Variants in SEMA3A observed in about 807,000 individuals in gnomAD.
SEMA3A encodes the protein semaphorin 3A.
Under a neutral mutation model 97.9 loss-of-function variants are expected in SEMA3A, and 29 were observed. That is an observed-to-expected ratio of 0.30 (90% CI 0.22 to 0.40). The LOEUF is 0.40. Ranked by LOEUF, SEMA3A falls within the 10% of genes least tolerant of loss-of-function variation. SEMA3A has a pLI of 1.00. For missense variants in SEMA3A, 763 were observed against 951.3 expected, an observed-to-expected ratio of 0.80 and a Z score of 2.60; for synonymous variants, 321 against 323.7, an observed-to-expected ratio of 0.99 and a Z score of 0.09.
chr7:84,446,414 A>C (rs1036108936), intron 1 of SEMA3A, among the ~76,000 whole-genome samples: 1 of 152,202 alleles, frequency 6.6e-6, no homozygotes, highest in African/African-American at 2.4e-5. Context: ...TGATGCAAAC[A>C]TTCTCAACAA....
intron 3 of SEMA3A, among the ~76,000 whole-genome samples, chr7:84,208,075 C>A (rs987629045): frequency 6.6e-6 from 1 of 152,046 alleles, no homozygotes; most frequent in African/African-American, 2.4e-5. Flanking sequence ...TGCATGCCTA[C>A]ATTATATACA....
At chr7:84,400,408 C>T (rs1803870285) in intron 1 of SEMA3A, among the ~76,000 whole-genome samples, 1 of 151,992 alleles carries the variant, frequency 6.6e-6, no homozygotes, top group Admixed American at 6.6e-5. Flanking sequence ...GGAAGGAATC[C>T]ATAAATTTAT....
At chr7:84,113,223 C>A (rs972695930) in intron 3 of SEMA3A, among the ~76,000 whole-genome samples, 11 of 152,144 alleles carry the variant, frequency 7.2e-5, no homozygotes, top group Admixed American at 2.6e-4. Context: ...GAGGAAAGTG[C>A]ATTAAAAGAA....
intron 6 of SEMA3A, among the ~76,000 whole-genome samples, chr7:84,021,867 C>T (rs1791341471): frequency 6.6e-6 from 1 of 152,126 alleles, no homozygotes; most frequent in Non-Finnish European, 1.5e-5. Context: ...TTATCATAGA[C>T]TTGAAAATGT....
At chr7:84,452,171 T>C (rs1375533651) in intron 1 of SEMA3A, among the ~76,000 whole-genome samples, 1 of 152,144 alleles carries the variant, frequency 6.6e-6, no homozygotes, top group Non-Finnish European at 1.5e-5. Context: ...CTATTACTTT[T>C]TAAGGCTTCA....
intron 1 of SEMA3A, among the ~76,000 whole-genome samples, chr7:84,141,913 C>A (rs910349451): frequency 6.6e-6 from 1 of 152,056 alleles, no homozygotes; most frequent in Non-Finnish European, 1.5e-5. Flanking sequence ...TGTACCGAAT[C>A]AAAGAACAAG....
chr7:84,409,086 T>TA (rs201522434), intron 1 of SEMA3A, among the ~76,000 whole-genome samples: 55 of 147,678 alleles, frequency 3.7e-4, no homozygotes, highest in Middle Eastern at 3.6e-3. Flanking sequence ...TATTCAAATG[T>TA]AAAAAAAAAT....
At position 84,409,492 on chromosome 7, in the gene SEMA3A, C is replaced by T. The variant is rs551546414; in HGVS notation, c.-245-37592G>A. Among the ~76,000 whole-genome samples, 107 of 152,034 alleles carry T rather than the reference C, an allele frequency of 7.0e-4. 1 individual carries two copies. The highest frequency in any genetic ancestry group is 2.4e-3 in the African/African-American group (99 of 41,506). ...TTACTTCCTTGGCATTTTACAACTGCCCTAATGTTTTTAGATCAAGACATG... is the reference window on the plus strand; with the variant it reads ...TTACTTCCTTGGCATTTTACAACTGTCCTAATGTTTTTAGATCAAGACATG... On this transcript the variant is annotated intron_variant, in intron 1 of 3. Coordinates refer to the SEMA3A transcript ENST00000424555.
intron 1 of SEMA3A, among the ~76,000 whole-genome samples, chr7:84,485,020 A>G (rs2116441893): frequency 1.3e-5 from 2 of 152,340 alleles, no homozygotes; most frequent in East Asian, 3.9e-4. Flanking sequence ...TTAGAAAGTC[A>G]AGAAAATAGA....
intron 2 of SEMA3A, among the ~76,000 whole-genome samples, chr7:84,340,349 T>C (rs1802133550): frequency 2.0e-5 from 3 of 152,258 alleles, no homozygotes; most frequent in Admixed American, 6.5e-5. Context: ...ATTTTGAACT[T>C]AGTTTAGCCA....
At chr7:84,117,441 A>G (rs942296076) in intron 3 of SEMA3A, among the ~76,000 whole-genome samples, 2 of 152,144 alleles carry the variant, frequency 1.3e-5, no homozygotes, top group African/African-American at 4.8e-5. Context: ...GGGGTCCCCA[A>G]CCTCCAGGCA....
chr7:84,198,796 A>T (rs1798294034), upstream of SEMA3A, among the ~76,000 whole-genome samples: 1 of 152,084 alleles, frequency 6.6e-6, no homozygotes, highest in Non-Finnish European at 1.5e-5. Flanking sequence ...CTCCCTCTGT[A>T]CTGGGAAAGA....
intron 1 of SEMA3A, among the ~76,000 whole-genome samples, chr7:84,412,420 G>T (rs527846307): frequency 1.2e-4 from 19 of 152,266 alleles, no homozygotes; most frequent in African/African-American, 4.6e-4. Flanking sequence ...GTCACAGTTT[G>T]CAAACAATGT....
intron 4 of SEMA3A, among the ~76,000 whole-genome samples, chr7:84,061,308 T>A (rs1793206923): frequency 6.6e-6 from 1 of 152,150 alleles, no homozygotes; most frequent in East Asian, 1.9e-4. Context: ...AATATACACA[T>A]GTCTCAAGGT....
intron 1 of SEMA3A, among the ~76,000 whole-genome samples, chr7:84,407,137 T>C (rs1377581517): frequency 1.3e-5 from 2 of 152,186 alleles, no homozygotes; most frequent in African/African-American, 4.8e-5. Context: ...GACATGATTG[T>C]ATATCTGGAA....
chr7:84,297,306 A>G (rs1800897485), intron 3 of SEMA3A, among the ~76,000 whole-genome samples: 1 of 152,084 alleles, frequency 6.6e-6, no homozygotes, highest in Non-Finnish European at 1.5e-5. Flanking sequence ...GTAAAGCAGT[A>G]CTTAAAATAC....
chr7:84,067,865 C>T (rs1793583882), intron 4 of SEMA3A, among the ~76,000 whole-genome samples: 2 of 149,868 alleles, frequency 1.3e-5, no homozygotes, highest in Non-Finnish European at 3.0e-5. Context: ...GTCAGTGTGG[C>T]TATTCCTCAG....
rs140963269 is a variant in SEMA3A at position 84,214,863 on chromosome 7, T to C, written c.-82-20195A>G. 0.013 allele frequency among the ~76,000 whole-genome samples: 1,942 copies of C among 151,384 alleles called. 57 individuals are homozygous for C. The East Asian group carries it at 0.14, about 11-fold the overall frequency. ...ATAGGCACCTGCTACCACACCCAGC[T>C]AATTTTTTTGTATTTTTCATAGAGA... On this transcript the variant is annotated intron_variant, in intron 3 of 3. Transcript: ENST00000424555.
intron 15 of SEMA3A, among the ~76,000 whole-genome samples, chr7:83,974,975 A>C (rs972810673): frequency 6.6e-6 from 1 of 152,174 alleles, no homozygotes. Flanking sequence ...TGACGTAAGA[A>C]TCAGGAGGTA....
Sources: gnomAD v4.1 joint callset for allele counts (sites outside exome capture counted in the v4.1 genomes callset) on GRCh38, gnomAD v4.1.1 for gene constraint, MANE v1.5 for transcripts, NCBI Gene and HGNC (gene_info 2026-07-23, HGNC 2026-07-21) for gene names.